SASH1: variants seen among roughly 807,000 people sequenced by gnomAD.
The protein encoded by SASH1 is SAM and SH3 domain containing 1.
SASH1 carries 44 observed loss-of-function variants against 125.2 expected under a neutral mutation model. The observed-to-expected ratio is 0.35, with a 90% confidence interval of 0.28 to 0.45. The LOEUF is 0.45. Among genes scored for constraint, SASH1 ranks in the 20% least tolerant of loss-of-function variants. SASH1 has a pLI of 1.00. For synonymous variants in SASH1, 639 were observed against 649.1 expected, an observed-to-expected ratio of 0.98 and a Z score of 0.24; for missense variants, 1,426 against 1,614.5, an observed-to-expected ratio of 0.88 and a Z score of 2.00.
the SASH1 span, among the ~76,000 whole-genome samples, chr6:148,260,571 A>C: frequency 1.3e-5 from 2 of 150,922 alleles, no homozygotes; most frequent in Non-Finnish European, 2.9e-5. Context: ...ATGCCACTAC[A>C]CTCCAACCTG....
At chr6:148,207,440 C>T in the SASH1 span, among the ~76,000 whole-genome samples, 4,742 of 152,292 alleles carry the variant, frequency 0.031, 115 homozygotes, top group South Asian at 0.063. Context: ...AGATCTCCAT[C>T]CCGAACAGTT....
chr6:148,531,900 C>T (rs545462791), intron 13 of SASH1, among the ~76,000 whole-genome samples: 5 of 151,862 alleles, frequency 3.3e-5, no homozygotes, highest in Non-Finnish European at 7.4e-5. Flanking sequence ...ATAGGGAAAG[C>T]ATCTCAGAGG....
chr6:148,233,006 G>A, the SASH1 span, among the ~76,000 whole-genome samples: 8 of 151,906 alleles, frequency 5.3e-5, no homozygotes, highest in South Asian at 4.2e-4. Context: ...ACCTGAGATC[G>A]AGAGTTCAAG....
chr6:148,456,321 C>G (rs1052135472), intron 4 of SASH1, among the ~76,000 whole-genome samples: 4 of 152,180 alleles, frequency 2.6e-5, no homozygotes, highest in African/African-American at 9.7e-5. Flanking sequence ...ATCAGTGACC[C>G]CATCTCCATA....
At chr6:148,314,326 A>G (rs1291195050) in intron 1 of SASH1, among the ~76,000 whole-genome samples, 1 of 152,240 alleles carries the variant, frequency 6.6e-6, no homozygotes, top group Non-Finnish European at 1.5e-5. Context: ...TAATCAGAAT[A>G]CTTTTGTTTA....
intron 1 of SASH1, among the ~76,000 whole-genome samples, chr6:148,292,410 C>A (rs886107627): frequency 6.6e-6 from 1 of 152,164 alleles, no homozygotes; most frequent in Non-Finnish European, 1.5e-5. Context: ...GCTAATGGAG[C>A]CTTCCACAGA....
chr6:148,359,484 G>A (rs1338492280), intron 1 of SASH1, among the ~76,000 whole-genome samples: 5 of 152,092 alleles, frequency 3.3e-5, no homozygotes, highest in Non-Finnish European at 7.4e-5. Context: ...GAACAGATGT[G>A]GAGTTGCTTC....
At position 148,423,805 on chromosome 6, in the gene SASH1, G is replaced by T. The variant is rs1288952608; in HGVS notation, c.286-16379G>T. Among the ~76,000 whole-genome samples the T allele has an allele frequency of 2.0e-5, 3 of 152,264 alleles. No individual in the cohort carries two copies. The East Asian group carries it at 5.8e-4, about 29-fold the overall frequency. ...AGATGAAGACATAAATGTTTGTTCA[G>T]TTGTAGGCTGTTGCCAACTTTGGAA... On this transcript the variant is annotated intron_variant, in intron 2 of 19. Transcript: ENST00000367467.
At position 148,319,320 on chromosome 6, in the gene SASH1, C is replaced by A. The variant is rs574914200; in HGVS notation, n.74+46943C>A. 3.9e-5 allele frequency among the ~76,000 whole-genome samples: 6 copies of A among 152,090 alleles called. No homozygotes were observed. The South Asian group carries it at 1.2e-3, about 32-fold the overall frequency. ...AAAGTGCTGGGATTACAGGCGTGAGCCACCGCGCCCAGCCCCATTTATCTT... is the reference window on the plus strand; with the variant it reads ...AAAGTGCTGGGATTACAGGCGTGAGACACCGCGCCCAGCCCCATTTATCTT... On this transcript the variant is annotated intron_variant and non_coding_transcript_variant, in intron 1 of 3. Coordinates refer to the SASH1 transcript ENST00000367469.
the SASH1 span, among the ~76,000 whole-genome samples, chr6:148,213,969 C>T: frequency 0.019 from 2,868 of 152,244 alleles, 76 homozygotes; most frequent in African/African-American, 0.066. Context: ...TGATAACCTG[C>T]TCCCAAGAGT....
chr6:148,407,239 C>A (rs1427952555), intron 2 of SASH1, among the ~76,000 whole-genome samples: 1 of 152,166 alleles, frequency 6.6e-6, no homozygotes, highest in Non-Finnish European at 1.5e-5. Flanking sequence ...CTCCCTATTT[C>A]CCCTCCTCAC....
At chr6:148,465,257 C>T (rs935766369) in intron 4 of SASH1, among the ~76,000 whole-genome samples, 1 of 152,104 alleles carries the variant, frequency 6.6e-6, no homozygotes, top group African/African-American at 2.4e-5. Context: ...TAGGTCAAGA[C>T]TTCTCTAGTC....
chr6:148,398,887 C>T (rs1583086616), intron 2 of SASH1, among the ~76,000 whole-genome samples: 1 of 152,202 alleles, frequency 6.6e-6, no homozygotes, highest in African/African-American at 2.4e-5. Flanking sequence ...TGGCCTCTCT[C>T]AGACAAAGTC....
chr6:148,197,918 C>T, the SASH1 span, among the ~76,000 whole-genome samples: 2,748 of 152,242 alleles, frequency 0.018, 34 homozygotes, highest in East Asian at 0.059. Context: ...GGTGCTATCT[C>T]GGCTCACTGC....
At chr6:148,413,218 AAG>A (rs1195737674) in intron 2 of SASH1, among the ~76,000 whole-genome samples, 2 of 152,170 alleles carry the variant, frequency 1.3e-5, no homozygotes, top group African/African-American at 2.4e-5. Context: ...TTCTGTTGTT[AAG>A]AGGGGACATA....
At chr6:148,474,303 A>G (rs1431375254) in intron 7 of SASH1, 81 bp downstream of exon 7, 2 of 777,690 alleles carry the variant, frequency 2.6e-6, no homozygotes, top group South Asian at 1.6e-5. Flanking sequence ...AACAAGGGGT[A>G]TAGGAATCAG....
At chr6:148,522,474 T>C (rs1455297575) in intron 10 of SASH1, among the ~76,000 whole-genome samples, 1 of 152,248 alleles carries the variant, frequency 6.6e-6, no homozygotes, top group Non-Finnish European at 1.5e-5. Context: ...AAGCTCTTTG[T>C]CTTTCGAAAA....
rs763782229 is a variant in SASH1, at chr6:148,544,643, C to G, written c.3173C>G (p.Pro1058Arg). The change falls in exon 18 of 20, where the codon CCC becomes CGC. Residue 1058 changes from proline (P) to arginine (R), a missense_variant. This residue lies in a region of SASH1 where 634 missense variants were observed against 694.4 expected (regional missense o/e 0.91). Coordinates refer to ENST00000367467, the MANE Select transcript of SASH1 (RefSeq NM_015278.5). The surrounding 1 kb of genome is among the most constrained non-coding windows in gnomAD (Gnocchi z 6.4). Reference sequence around the variant, plus strand: ...GGCAGCCCACCAAGCACAAGGCCGCCCCCCTGGCTCTCAGAGCTCCCCGAG... The same window carrying G: ...GGCAGCCCACCAAGCACAAGGCCGCGCCCCTGGCTCTCAGAGCTCCCCGAG... Reference protein sequence around the residue: ...APGSPPSTRPPPWLSELPENT... With the variant: ...APGSPPSTRPRPWLSELPENT... The G allele has an allele frequency of 6.2e-7, 1 of 1,613,456 alleles. No homozygotes were observed. The highest frequency in any genetic ancestry group is 1.1e-5 in the South Asian group (1 of 91,006).
At chr6:148,483,897 A>G (rs1778730492) in intron 7 of SASH1, among the ~76,000 whole-genome samples, 1 of 152,230 alleles carries the variant, frequency 6.6e-6, no homozygotes, top group Non-Finnish European at 1.5e-5. Flanking sequence ...GGACACATAT[A>G]GAGTCCATAG....
Sources: allele counts gnomAD v4.1 joint callset (sites outside exome capture counted in the v4.1 genomes callset), GRCh38; gene constraint gnomAD v4.1.1; regional missense constraint gnomAD v4.1.1; non-coding constraint Gnocchi (gnomAD v3.1); transcripts MANE v1.5; gene names NCBI Gene and HGNC (gene_info 2026-07-23, HGNC 2026-07-21).